Variants in TAOK2 observed in about 807,000 individuals in gnomAD.
The protein encoded by TAOK2 is TAO kinase 2.
A neutral mutation model predicts 122.5 loss-of-function variants in TAOK2; 42 were observed. That is an observed-to-expected ratio of 0.34 (90% CI 0.27 to 0.44). TAOK2 has a LOEUF of 0.44. Ranked by LOEUF, TAOK2 falls within the 20% of genes least tolerant of loss-of-function variation. The probability of loss-of-function intolerance (pLI) is 1.00; values close to 1 mark genes in which losing one functional copy is unlikely to be tolerated. For synonymous variants in TAOK2, 704 were observed against 677.6 expected, an observed-to-expected ratio of 1.04 and a Z score of -0.61; for missense variants, 1,264 against 1,644.9, an observed-to-expected ratio of 0.77 and a Z score of 4.01.
Position 29,973,946 on chromosome 16 carries a change from CGGA to C in TAOK2, c.-736_-734del, listed in dbSNP as rs2069374525. The C allele has an allele frequency of 6.5e-6, 1 of 152,912 alleles. No homozygotes were observed. Among genetic ancestry groups the C allele is most frequent in the Admixed American group, 6.5e-5 (1 of 15,298 alleles). The allele number at this position is 152,912 out of a possible 1,614,324, so 9.5% of individuals were successfully genotyped here. On this transcript the variant is annotated 5_prime_UTR_variant, in exon 1 of 16. Coordinates refer to ENST00000308893, the MANE Select transcript of TAOK2 (RefSeq NM_016151.4). ...GCTGTGGTGCGGAGAGAGGCTGAGA[CGGA>C]GAAGAGGAGAGGCAGAGAGGGCGCG...
chr16:29,978,719 G>T, intron 4 of TAOK2, 80 bp from the exon 5 acceptor site: 2 of 1,539,870 alleles, frequency 1.3e-6, no homozygotes, highest in Non-Finnish European at 1.8e-6. Context: ...GACATAGCTT[G>T]AGTACAGGAC....
rs753436930 is a variant in TAOK2, at chr16:29,983,567, C to G, written c.1325C>G (p.Pro442Arg). ...PEITPSPLQP[P>R]AAPAPTSTTS... ...ATAACCCCCAGCCCTCTCCAGCCGC[C>G]TGCAGCCCCAGCTCCCACTTCCACC... The change falls in exon 13 of 16, where the codon CCT (proline) becomes CGT (arginine). Residue 442 changes from proline to arginine, a missense_variant. Around this residue, in one of 4 missense-constraint regions of TAOK2, gnomAD observed 122 missense variants for 116.7 expected, o/e 1.04. Coordinates refer to ENST00000308893, the MANE Select transcript of TAOK2 (RefSeq NM_016151.4). The G allele has an allele frequency of 2.4e-5, 38 of 1,613,952 alleles. No individual in the cohort carries two copies. The East Asian group carries it at 7.4e-4, about 31-fold the overall frequency.
chr16:29,983,154 C>T lies in TAOK2; in HGVS notation c.1082C>T (p.Ala361Val). The change falls in exon 12 of 16, where the codon GCC becomes GTC. Residue 361 changes from alanine (A) to valine (V), a missense_variant. Transcript: ENST00000308893. ...TCAGTGCCCAGCATGTCCATCAGCG[C>T]CTCCAGCCAGAGCAGCTCCGTCAAC... The part of the protein sequence containing the change: ...SHSVPSMSIS[A>V]SSQSSSVNSL... The T allele has an allele frequency of 3.7e-6, 6 of 1,614,112 alleles. No individual in the cohort carries two copies. The highest frequency in any genetic ancestry group is 5.1e-6 in the Non-Finnish European group (6 of 1,180,020).
In TAOK2 at chr16:29,985,782, A is replaced by G. The variant is rs764175840; in HGVS notation, c.1913A>G (p.Tyr638Cys). Residue 638 changes from tyrosine to cysteine, a missense_variant, in exon 15 of 16, where the codon TAC becomes TGC. Coordinates refer to ENST00000308893, the MANE Select transcript of TAOK2 (RefSeq NM_016151.4). The surrounding 1 kb of genome is among the most constrained non-coding windows in gnomAD (Gnocchi z 6.9). ...GGGCTGCTGCGGCGGCAGCGCCAGTACTTTGAGCTGCAGTGTCGCCAGTAC... is the reference window on the plus strand; with the variant it reads ...GGGCTGCTGCGGCGGCAGCGCCAGTGCTTTGAGCTGCAGTGTCGCCAGTAC... The part of the protein sequence containing the change: ...EAGLLRRQRQ[Y>C]FELQCRQYKR... The G allele has an allele frequency of 6.2e-7, 1 of 1,611,690 alleles. No homozygotes were observed. The highest frequency in any genetic ancestry group is 1.1e-5 in the South Asian group (1 of 90,936).
At chr16:29,989,432 T>A, downstream of TAOK2, 1 of 977,546 alleles carries the variant, frequency 1.0e-6, no homozygotes, top group Non-Finnish European at 1.2e-6. Context: ...CTGTCTAACA[T>A]GTTTTCTGTT....
chr16:29,988,339 C>T lies in TAOK2; in HGVS notation c.*359C>T, dbSNP rs1596620660. The stretch of plus-strand genomic sequence containing the variant: ...TTCTGTCTCCCTTCCAACCTGTCCC[C>T]TTCCCCCCACCAAAAAAAGAAAAAG... On this transcript the variant is annotated 3_prime_UTR_variant, in exon 16 of 16. Transcript: ENST00000308893. 7.1e-7 allele frequency: 1 copy of T among 1,400,360 alleles called. No individual in the cohort carries two copies. Among genetic ancestry groups the T allele is most frequent in the Non-Finnish European group, 9.4e-7 (1 of 1,060,930 alleles). The allele number at this position is 1,400,360 out of a possible 1,614,324, so 86.7% of individuals were successfully genotyped here. A position where few individuals can be genotyped will look rare whatever the true frequency, so the allele number is the denominator to read the frequency against.
downstream of TAOK2, chr16:29,991,887 T>G: frequency 3.8e-6 from 1 of 262,644 alleles, no homozygotes; most frequent in Non-Finnish European, 7.2e-6. This position sits in a 1 kb window ranked among gnomAD's most constrained non-coding sequence, Gnocchi z 5.6. Context: ...AGGGTGGGTC[T>G]AGACATACTA....
At position 29,986,297 on chromosome 16, in the gene TAOK2, G is replaced by C. The variant is rs1216473159; in HGVS notation, c.2025G>C (p.Leu675Phe). 1.3e-6 allele frequency: 2 copies of C among 1,539,980 alleles called. No homozygotes were observed. Among genetic ancestry groups the C allele is most frequent in the Non-Finnish European group, 1.8e-6 (2 of 1,142,822 alleles). Residue 675 changes from leucine to phenylalanine, a missense_variant, in exon 16 of 16, where the codon TTG becomes TTC. Leu to Phe is a conservative substitution (Grantham distance 22). Around this residue, in one of 4 missense-constraint regions of TAOK2, gnomAD observed 824 missense variants for 908.7 expected, o/e 0.91. Coordinates refer to ENST00000308893, the MANE Select transcript of TAOK2 (RefSeq NM_016151.4). This position sits in a 1 kb window ranked among gnomAD's most constrained non-coding sequence, Gnocchi z 4.2. ...DLNKKQTQKD[L>F]ECALLLRQHE... ...ACAAGAAGCAGACCCAGAAGGACTT[G>C]GAGTGTGCACTGCTGCTTCGGCAGC...
rs749999466 is a variant in TAOK2, at chr16:29,985,245, C to T, written c.1455C>T (p.Asp485=). 1.8e-5 allele frequency: 27 copies of T among 1,542,668 alleles called. No homozygotes were observed. The Admixed American group carries it at 2.2e-4, about 12-fold the overall frequency. The change falls in exon 14 of 16, where the codon GAC becomes GAT. Residue 485 remains aspartate (D), a synonymous_variant. Transcript: ENST00000308893. The surrounding 1 kb of genome is among the most constrained non-coding windows in gnomAD (Gnocchi z 6.9). ...GTCAGATCCAGGAGCATGAGCAGGA[C>T]TCTGCGCTGCGGGAGCAGCTGAGCG... ...VSRQIQEHEQ[D]SALREQLSGY... is the part of the protein sequence containing the mutation.
In TAOK2 at chr16:29,987,369, A is replaced by G. The variant is rs763739523; in HGVS notation, c.3097A>G (p.Ser1033Gly). ...CGCACTGGGGGCCGTCCTGGGCCTG[A>G]GCTGGCGCCGAGGCCTCATGGGTGT... ...GTALGAVLGL[S>G]WRRGLMGVPL... is the part of the protein sequence containing the mutation. The change falls in exon 16 of 16, where the codon AGC becomes GGC. Residue 1033 changes from serine (S) to glycine (G), a missense_variant. By Grantham distance (56) the Ser-to-Gly change is moderately conservative. This residue lies in a region of TAOK2 where 824 missense variants were observed against 908.7 expected (regional missense o/e 0.91). Transcript: ENST00000308893. 6.3e-7 allele frequency: 1 copy of G among 1,596,714 alleles called. No individual in the cohort carries two copies. Among genetic ancestry groups the G allele is most frequent in the East Asian group, 2.2e-5 (1 of 44,568 alleles).
downstream of TAOK2, chr16:29,990,827 G>T (rs768181656): frequency 6.2e-7 from 1 of 1,612,912 alleles, no homozygotes; most frequent in African/African-American, 1.3e-5. Context: ...CAGGCCCTTC[G>T]GCAGCAGCTT....
Position 29,987,804 on chromosome 16 carries a change from C to T in TAOK2, c.3532C>T (p.His1178Tyr). The change falls in exon 16 of 16, where the codon CAC (histidine) becomes TAC (tyrosine). Residue 1178 changes from histidine (H) to tyrosine (Y), a missense_variant. His to Tyr is a moderately conservative substitution (Grantham distance 83). Transcript: ENST00000308893. ...LASHLPPWAI[H>Y]TLASWGLLRG... ...ATCCCACTTGCCCCCGTGGGCCATC[C>T]ACACACTGGCCAGCTGGGGCCTGCT... 1 of 1,613,712 alleles carries T rather than the reference C, an allele frequency of 6.2e-7. No individual in the cohort carries two copies. Among genetic ancestry groups the T allele is most frequent in the Non-Finnish European group, 8.5e-7 (1 of 1,179,846 alleles).
intron 13 of TAOK2, 49 bp downstream of exon 13, chr16:29,983,713 T>G: frequency 1.3e-6 from 2 of 1,566,620 alleles, no homozygotes; most frequent in East Asian, 2.3e-5. Flanking sequence ...GTTTTTTAAG[T>G]CTTTTTAAGT....
downstream of TAOK2, chr16:29,989,623 C>G: frequency 6.2e-7 from 1 of 1,614,028 alleles, no homozygotes; most frequent in Admixed American, 1.7e-5. Flanking sequence ...GAAGCAGTTC[C>G]AGGAGACGTG....
chr16:29,991,559 C>A (rs564585670), downstream of TAOK2: 4 of 1,475,802 alleles, frequency 2.7e-6, no homozygotes, highest in East Asian at 2.5e-5. This position sits in a 1 kb window ranked among gnomAD's most constrained non-coding sequence, Gnocchi z 5.6. Context: ...CTTCCCACTT[C>A]TATTCCTGAG....
chr16:29,984,140 G>A (rs554110440), intron 13 of TAOK2, among the ~76,000 whole-genome samples: 12 of 152,212 alleles, frequency 7.9e-5, no homozygotes, highest in Admixed American at 7.9e-4. Flanking sequence ...GGCAGGGATG[G>A]TGTTCAGATA....
intron 8 of TAOK2, 27 bp from the exon 9 acceptor site, chr16:29,981,634 C>T (rs1339606414): frequency 1.2e-6 from 2 of 1,611,352 alleles, no homozygotes; most frequent in South Asian, 1.1e-5. Flanking sequence ...CACCTCTCAC[C>T]TTCTTCCCTT....
At chr16:29,977,649 G>A (rs2069495727) in intron 1 of TAOK2, 89 bp from the exon 2 acceptor site, 2 of 1,216,576 alleles carry the variant, frequency 1.6e-6, no homozygotes, top group Non-Finnish European at 2.2e-6. Context: ...CAGGGAATGA[G>A]GGGAGGAGAT....
intron 13 of TAOK2, 136 bp downstream of exon 13, chr16:29,983,800 GCTCCCCTTAACC>G: frequency 7.3e-7 from 1 of 1,373,554 alleles, no homozygotes; most frequent in Non-Finnish European, 9.9e-7. Context: ...GCTCCTGCCT[GCTCCCCTTAACC>G]CTCCTGCTTC....
Sources: gnomAD v4.1 joint callset for allele counts (sites outside exome capture counted in the v4.1 genomes callset) on GRCh38, gnomAD v4.1.1 for gene constraint, gnomAD v4.1.1 regional missense constraint, Gnocchi (gnomAD v3.1) non-coding constraint, MANE v1.5 for transcripts, NCBI Gene and HGNC (gene_info 2026-07-23, HGNC 2026-07-21) for gene names.